The following CLIC4 variants were observed in gnomAD, a reference collection of about 807,000 sequenced individuals.
CLIC4 encodes the protein chloride intracellular channel protein 4.
Under a neutral mutation model 24.6 loss-of-function variants are expected in CLIC4, and 13 were observed. The ratio of observed to expected loss-of-function variants is 0.53; its 90% CI spans 0.34 to 0.84. The LOEUF (loss-of-function observed/expected upper bound fraction) is 0.84, where lower values mean the gene tolerates loss of function less well. CLIC4 is among the 40% of genes least tolerant of loss of function. CLIC4 has a pLI of 0.01. For missense variants in CLIC4, 227 were observed against 301.7 expected (o/e 0.75, Z 1.83); for synonymous variants, 104 against 111.3 (o/e 0.93, Z 0.41).
chr1:24,820,067 G>GTATA (rs751126014), intron 3 of CLIC4, among the ~76,000 whole-genome samples: 1,962 of 36,424 alleles, frequency 0.054, 215 homozygotes, highest in African/African-American at 0.16. Flanking sequence ...AAAAAAGTAT[G>GTATA]TATATATATA....
chr1:24,809,952 A>T (rs1209074237), intron 2 of CLIC4, among the ~76,000 whole-genome samples: 1 of 152,192 alleles, frequency 6.6e-6, no homozygotes, highest in Non-Finnish European at 1.5e-5. Flanking sequence ...TTTTATAATT[A>T]TGAAAGTTTT....
At position 24,808,425 on chromosome 1, in the gene CLIC4, T is replaced by A. The variant is rs1387143908; in HGVS notation, c.183-5669T>A. On this transcript the variant is annotated intron_variant, in intron 2 of 5. Transcript: ENST00000374379. ...ATAATACCTAATACAGTGTAAATGC[T>A]ATGTAAGTTGTCATTACACTGTGTT... Among the ~76,000 whole-genome samples, 6 of 152,182 alleles carry A rather than the reference T, an allele frequency of 3.9e-5. No individual in the cohort carries two copies. In the East Asian group the frequency reaches 1.2e-3, roughly 29 times the overall value.
intron 2 of CLIC4, among the ~76,000 whole-genome samples, chr1:24,799,039 G>T (rs1388715602): frequency 6.6e-6 from 1 of 152,220 alleles, no homozygotes; most frequent in Non-Finnish European, 1.5e-5. Context: ...CCAAAGTGCC[G>T]AGATTGCAGC....
intron 1 of CLIC4, among the ~76,000 whole-genome samples, chr1:24,788,342 C>T (rs1639296582): frequency 6.6e-6 from 1 of 152,128 alleles, no homozygotes; most frequent in African/African-American, 2.4e-5. Flanking sequence ...AACCATGTAC[C>T]CATTAGCAGT....
intron 1 of CLIC4, 123 bp downstream of exon 1, chr1:24,745,748 G>A: frequency 1.4e-6 from 1 of 695,090 alleles, no homozygotes; most frequent in South Asian, 3.2e-5. Context: ...CCCGCTGCGG[G>A]CACCCGCGCC....
rs537700426 is a variant in CLIC4 at position 24,806,481 on chromosome 1, C to G, written c.183-7613C>G. Among the ~76,000 whole-genome samples, 4 of 152,258 alleles carry G rather than the reference C, an allele frequency of 2.6e-5. No individual in the cohort carries two copies. In the South Asian group the frequency reaches 8.3e-4, roughly 32 times the overall value. On this transcript the variant is annotated intron_variant, in intron 2 of 5. Transcript: ENST00000374379. The stretch of plus-strand genomic sequence containing the variant: ...TTGTCTGTCATCTCAACAGTTAATC[C>G]TTGGAAACAGTTTTATCGCTTTATT...
chr1:24,752,566 A>G (rs1000236815), intron 1 of CLIC4, among the ~76,000 whole-genome samples: 4 of 152,184 alleles, frequency 2.6e-5, no homozygotes, highest in Non-Finnish European at 5.9e-5. Flanking sequence ...TCTACCTGTT[A>G]CTTCCGGTCA....
chr1:24,790,197 G>A (rs1453050965), intron 1 of CLIC4, among the ~76,000 whole-genome samples: 1 of 152,124 alleles, frequency 6.6e-6, no homozygotes, highest in African/African-American at 2.4e-5. Context: ...CCAGCCTCCC[G>A]AGTGGCTGGG....
intron 2 of CLIC4, among the ~76,000 whole-genome samples, chr1:24,800,630 A>C (rs1355663649): frequency 2.0e-5 from 3 of 152,178 alleles, no homozygotes; most frequent in Admixed American, 6.5e-5. Flanking sequence ...GAAAGGCGGG[A>C]AAGGTGGGGA....
chr1:24,788,614 T>A (rs1189409041), intron 1 of CLIC4, among the ~76,000 whole-genome samples: 1 of 152,234 alleles, frequency 6.6e-6, no homozygotes, highest in African/African-American at 2.4e-5. Flanking sequence ...TTACAGCATG[T>A]ATCCATACTT....
At chr1:24,772,694 C>G (rs944575946) in intron 1 of CLIC4, among the ~76,000 whole-genome samples, 1 of 152,152 alleles carries the variant, frequency 6.6e-6, no homozygotes, top group Non-Finnish European at 1.5e-5. Flanking sequence ...CCATCTTGGC[C>G]AGGCTGGTCT....
At chr1:24,808,031 A>G (rs867189974) in intron 2 of CLIC4, among the ~76,000 whole-genome samples, 1 of 151,446 alleles carries the variant, frequency 6.6e-6, no homozygotes, top group African/African-American at 2.4e-5. Flanking sequence ...GCTCACTGCA[A>G]CCTTCACCTC....
intron 2 of CLIC4, among the ~76,000 whole-genome samples, chr1:24,806,393 A>G (rs1348255378): frequency 1.3e-5 from 2 of 152,190 alleles, no homozygotes; most frequent in African/African-American, 4.8e-5. Flanking sequence ...AAGTCTACTA[A>G]TACGTTTGAA....
chr1:24,766,141 G>T (rs1638992426), intron 1 of CLIC4, among the ~76,000 whole-genome samples: 1 of 151,812 alleles, frequency 6.6e-6, no homozygotes, highest in South Asian at 2.1e-4. Context: ...TGAGTAGTTG[G>T]GACTATAGAC....
intron 1 of CLIC4, among the ~76,000 whole-genome samples, chr1:24,745,945 C>T (rs1638688872): frequency 6.7e-6 from 1 of 150,360 alleles, no homozygotes. Flanking sequence ...CCCCGGGGCC[C>T]CAGCGCCGGG....
rs779004213 is a variant in CLIC4 at position 24,839,906 on chromosome 1, T to C, written c.462T>C (p.Tyr154=). ...LLKTLQKLDE[Y]LNSPLPDEID... is the part of the protein sequence containing the mutation. ...AAACCCTGCAGAAACTGGATGAATA[T>C]CTGAATTCTCCTCTCCCTGATGAAA... Residue 154 remains tyrosine, a synonymous_variant, in exon 5 of 6, where the codon TAT becomes TAC. Coordinates refer to ENST00000374379, the MANE Select transcript of CLIC4 (RefSeq NM_013943.3). 1.2e-6 allele frequency: 2 copies of C among 1,612,704 alleles called. No homozygotes were observed. The highest frequency in any genetic ancestry group is 2.2e-5 in the South Asian group (2 of 91,018).
At chr1:24,775,452 CT>C (rs547882809) in intron 1 of CLIC4, among the ~76,000 whole-genome samples, 13 of 151,068 alleles carry the variant, frequency 8.6e-5, no homozygotes, top group African/African-American at 1.5e-4. Context: ...CTTTGAGGCT[CT>C]TTTTTTTCTG....
chr1:24,764,770 A>AT (rs1638972011), intron 1 of CLIC4, among the ~76,000 whole-genome samples: 1 of 152,118 alleles, frequency 6.6e-6, no homozygotes, highest in Non-Finnish European at 1.5e-5. Context: ...TTTCAAGCAA[A>AT]TTTGAGATTC....
At chr1:24,790,196 C>T (rs976583151) in intron 1 of CLIC4, among the ~76,000 whole-genome samples, 10 of 152,220 alleles carry the variant, frequency 6.6e-5, no homozygotes, top group African/African-American at 9.6e-5. Flanking sequence ...CCCAGCCTCC[C>T]GAGTGGCTGG....
Sources: allele counts gnomAD v4.1 joint callset (sites outside exome capture counted in the v4.1 genomes callset), GRCh38; gene constraint gnomAD v4.1.1; transcripts MANE v1.5; gene names NCBI Gene and HGNC (gene_info 2026-07-23, HGNC 2026-07-21).